The following PLEKHN1 variants were observed in gnomAD, a reference collection of about 807,000 sequenced individuals.
The protein encoded by PLEKHN1 is pleckstrin homology domain-containing family N member 1.
Under a neutral mutation model 72.8 loss-of-function variants are expected in PLEKHN1, and 68 were observed. The ratio of observed to expected loss-of-function variants is 0.93; its 90% CI spans 0.77 to 1.14. The LOEUF is 1.14. Among genes scored for constraint, PLEKHN1 ranks in the 50% most tolerant of loss-of-function variants. The pLI, the probability that PLEKHN1 is intolerant of heterozygous loss-of-function variation, is 0.00. For missense variants in PLEKHN1, 1,015 were observed against 840.5 expected, an observed-to-expected ratio of 1.21 and a Z score of -2.57; for synonymous variants, 454 against 371.6, an observed-to-expected ratio of 1.22 and a Z score of -2.55.
chr1:969,766 T>C (rs1242464527), intron 2 of PLEKHN1, among the ~76,000 whole-genome samples: 1 of 151,510 alleles, frequency 6.6e-6, no homozygotes, highest in East Asian at 1.9e-4. Flanking sequence ...CTATTGTGTG[T>C]GTATGCATGT....
Position 973,961 on chromosome 1 carries a change from C to T in PLEKHN1, c.1563C>T (p.Ser521=), listed in dbSNP as rs773855563. 8.1e-6 allele frequency: 13 copies of T among 1,610,310 alleles called. No homozygotes were observed. In the Admixed American group the frequency reaches 8.3e-5, roughly 10 times the overall value. The change falls in exon 14 of 16, where the codon TCC becomes TCT. Residue 521 remains serine (S), a synonymous_variant. Coordinates refer to ENST00000379410, the MANE Select transcript of PLEKHN1 (RefSeq NM_032129.3). ...GCCCCGCTGGCCCCTACTTGCTCTC[C>T]AAGAAGGGAGCCCTGCAGTCCAGAG... ...SSGPAGPYLL[S]KKGALQSRAA... is the part of the protein sequence containing the mutation.
rs777113439 is a variant in PLEKHN1 at position 971,126 on chromosome 1, G to C, written c.626G>C (p.Arg209Pro). 1 of 1,599,532 alleles carries C rather than the reference G, an allele frequency of 6.3e-7. No homozygotes were observed. Among genetic ancestry groups the C allele is most frequent in the Non-Finnish European group, 8.5e-7 (1 of 1,173,986 alleles). ...TGGACTTTGCAGCGCCGTCTAACCCGGCTGCGGACGGCGTCAGGGCACGAA... is the reference window on the plus strand; with the variant it reads ...TGGACTTTGCAGCGCCGTCTAACCCCGCTGCGGACGGCGTCAGGGCACGAA... Reference protein sequence around the residue: ...HSAPPQRRLTRLRTASGHEPG... With the variant: ...HSAPPQRRLTPLRTASGHEPG... Residue 209 changes from arginine (R) to proline (P), a missense_variant, in exon 7 of 16, where the codon CGG becomes CCG. Arg to Pro is a moderately radical substitution (Grantham distance 103). Transcript: ENST00000379410.
In PLEKHN1 at chr1:971,016, G is replaced by A. The variant is rs760005499; in HGVS notation, c.612+10G>A. ...CTCGGCACCCCCACAGGTCAGTGCC[G>A]GGGACCCCACCCCCCTCCCCACCCT... On this transcript the variant is annotated intron_variant, in intron 6 of 15. Transcript: ENST00000379410. The A allele has an allele frequency of 2.3e-5, 37 of 1,595,438 alleles. No individual in the cohort carries two copies. The East Asian group carries it at 2.5e-4, about 11-fold the overall frequency.
At position 966,645 on chromosome 1, in the gene PLEKHN1, C is replaced by A. The variant is rs186208904; in HGVS notation, c.83+31C>A. 2.9e-4 allele frequency: 459 copies of A among 1,595,656 alleles called. 1 individual carries two copies. In the African/African-American group the frequency reaches 5.4e-3, roughly 19 times the overall value. On this transcript the variant is annotated intron_variant, in intron 1 of 15. Transcript: ENST00000379410. ...CGGGGCGTGGGTGCGGCCACCTGGG[C>A]GCAGGGCTCCCCCACCCGCTCCGGG...
At chr1:968,541 G>A (rs966369012) in intron 2 of PLEKHN1, among the ~76,000 whole-genome samples, 1 of 152,206 alleles carries the variant, frequency 6.6e-6, no homozygotes, top group Non-Finnish European at 1.5e-5. Flanking sequence ...CTTAGGCTCT[G>A]GGGACACAGC....
rs1643247730 is a variant in PLEKHN1, at chr1:970,425, T to TG, written c.330+7dup. On this transcript the variant is annotated splice_region_variant and intron_variant, in intron 3 of 15. Coordinates refer to ENST00000379410, the MANE Select transcript of PLEKHN1 (RefSeq NM_032129.3). This position sits in a 1 kb window ranked among gnomAD's most constrained non-coding sequence, Gnocchi z 4.2. ...CAGCTGCGGTTCCAGCACAGCCAGG[T>TG]GGGGGCCGGGCTGGGTGGAGCACGC... The TG allele has an allele frequency of 1.9e-6, 3 of 1,613,230 alleles. No individual in the cohort carries two copies. The highest frequency in any genetic ancestry group is 2.5e-6 in the Non-Finnish European group (3 of 1,179,922).
rs1362921164 is a variant in PLEKHN1 at position 974,296 on chromosome 1, CT to C, written c.1654-18del. On this transcript the variant is annotated intron_variant, in intron 14 of 15. Transcript: ENST00000379410. ...CCTGGGGCTGTGCCCGGCTCTCAGA[CT>C]TGCGGTTTGGGGTTCCAGGTCTCCT... The C allele has an allele frequency of 1.2e-6, 2 of 1,612,942 alleles. No homozygotes were observed. Among genetic ancestry groups the C allele is most frequent in the East Asian group, 4.5e-5 (2 of 44,866 alleles).
intron 7 of PLEKHN1, 42 bp downstream of exon 7, chr1:971,250 T>G: frequency 6.4e-7 from 1 of 1,555,684 alleles, no homozygotes; most frequent in South Asian, 1.2e-5. Flanking sequence ...ATGGGAGGGG[T>G]GCATGGTGGT....
In PLEKHN1 at chr1:970,487, A is replaced by AAG; in HGVS notation, c.331-34_331-33insAG. 6.2e-7 allele frequency: 1 copy of AAG among 1,613,080 alleles called. No individual in the cohort carries two copies. Among genetic ancestry groups the AAG allele is most frequent in the Non-Finnish European group, 8.5e-7 (1 of 1,179,922 alleles). On this transcript the variant is annotated intron_variant, in intron 3 of 15. Transcript: ENST00000379410. The surrounding 1 kb of genome is among the most constrained non-coding windows in gnomAD (Gnocchi z 4.2). ...CATCCCCATCAGCCTGGGGCTCCCCAGACTCCGCACTGACGACCCTGCTCC... is the reference window on the plus strand; with the variant it reads ...CATCCCCATCAGCCTGGGGCTCCCCAAGGACTCCGCACTGACGACCCTGCTCC...
chr1:967,756 G>A (rs1372317427), intron 2 of PLEKHN1, among the ~76,000 whole-genome samples: 1 of 152,220 alleles, frequency 6.6e-6, no homozygotes, highest in African/African-American at 2.4e-5. Flanking sequence ...GAGTGGGCAG[G>A]GAGAGGGAGC....
intron 2 of PLEKHN1, among the ~76,000 whole-genome samples, chr1:969,389 A>G (rs1435760180): frequency 6.6e-6 from 1 of 151,938 alleles, no homozygotes; most frequent in African/African-American, 2.4e-5. Context: ...GTGTGCACAC[A>G]TCTGTGTGTA....
chr1:971,537 C>A (rs1201966475), intron 8 of PLEKHN1, 133 bp downstream of exon 8: 5 of 842,620 alleles, frequency 5.9e-6, no homozygotes, highest in East Asian at 2.7e-5. Context: ...ACCCAGCCCG[C>A]GGTCCTGGTC....
At chr1:973,075 G>A in intron 11 of PLEKHN1, 65 bp downstream of exon 11, 21 of 1,538,782 alleles carry the variant, frequency 1.4e-5, no homozygotes, top group Non-Finnish European at 1.8e-5. Flanking sequence ...GTGTGTTGGG[G>A]ACCCTGGTTC....
intron 2 of PLEKHN1, among the ~76,000 whole-genome samples, chr1:967,275 G>C (rs902495287): frequency 6.6e-6 from 1 of 152,176 alleles, no homozygotes; most frequent in African/African-American, 2.4e-5. Flanking sequence ...GCACGCGCCG[G>C]CCTCCTCCCA....
rs778058744 is a variant in PLEKHN1 at position 971,023 on chromosome 1, C to T, written c.612+17C>T. The T allele has an allele frequency of 1.2e-5, 11 of 880,504 alleles. No homozygotes were observed. Among genetic ancestry groups the T allele is most frequent in the South Asian group, 2.7e-5 (2 of 73,852 alleles). The allele number at this position is 880,504 out of a possible 1,614,324, so 54.5% of individuals were successfully genotyped here. Reference sequence around the variant, plus strand: ...CCCCCACAGGTCAGTGCCGGGGACCCCACCCCCCTCCCCACCCTGATCCTC... The same window carrying T: ...CCCCCACAGGTCAGTGCCGGGGACCTCACCCCCCTCCCCACCCTGATCCTC... On this transcript the variant is annotated intron_variant, in intron 6 of 15. Coordinates refer to ENST00000379410, the MANE Select transcript of PLEKHN1 (RefSeq NM_032129.3).
Position 974,098 on chromosome 1 carries a change from C to T in PLEKHN1, c.1653+47C>T, listed in dbSNP as rs550982306. ...CGTGTGCCCCGGGCTCCGGGCTGGC[C>T]GGGGGTCTGGTGTGGGGCCTCTTGG... is the stretch of plus-strand genomic sequence containing the variant. On this transcript the variant is annotated intron_variant, in intron 14 of 15. Transcript: ENST00000379410. 3.2e-4 allele frequency: 490 copies of T among 1,533,508 alleles called. 5 individuals are homozygous for T. The South Asian group carries it at 5.0e-3, about 16-fold the overall frequency. The allele number at this position is 1,533,508 out of a possible 1,614,324, so 95.0% of individuals were successfully genotyped here.
chr1:968,082 G>A (rs527954517), intron 2 of PLEKHN1, among the ~76,000 whole-genome samples: 1 of 152,366 alleles, frequency 6.6e-6, no homozygotes, highest in South Asian at 2.1e-4. Context: ...CCGAGGCTGA[G>A]CTGCGCTGCA....
In PLEKHN1 at chr1:970,191, G is replaced by A. The variant is rs1643231101; in HGVS notation, c.184-86G>A. 4 of 1,458,102 alleles carry A rather than the reference G, an allele frequency of 2.7e-6. No individual in the cohort carries two copies. Among genetic ancestry groups the A allele is most frequent in the Non-Finnish European group, 3.7e-6 (4 of 1,068,906 alleles). The allele number at this position is 1,458,102 out of a possible 1,614,324, so 90.3% of individuals were successfully genotyped here. ...GTGTGGCTATGCACAGGCAGACCATGCTATAGTCCTGTAGCTGTGTGGATG... is the reference window on the plus strand; with the variant it reads ...GTGTGGCTATGCACAGGCAGACCATACTATAGTCCTGTAGCTGTGTGGATG... On this transcript the variant is annotated intron_variant, in intron 2 of 15. Transcript: ENST00000379410. This position sits in a 1 kb window ranked among gnomAD's most constrained non-coding sequence, Gnocchi z 4.2.
At position 974,518 on chromosome 1, in the gene PLEKHN1, G is replaced by C. The variant is rs997776427; in HGVS notation, c.1779G>C (p.Gln593His). Residue 593 changes from glutamine to histidine, a missense_variant, in exon 16 of 16, where the codon CAG (glutamine) becomes CAC (histidine). By Grantham distance (24) the Gln-to-His change is conservative. Coordinates refer to ENST00000379410, the MANE Select transcript of PLEKHN1 (RefSeq NM_032129.3). Reference protein sequence around the residue: ...LWDETLSSSHQKCPQLGGPEA... With the variant: ...LWDETLSSSHHKCPQLGGPEA... Reference sequence around the variant, plus strand: ...ACGAGACTTTGTCTTCCTCCCACCAGAAGTGCCCCCAGCTTGGAGGGCCTG... The same window carrying C: ...ACGAGACTTTGTCTTCCTCCCACCACAAGTGCCCCCAGCTTGGAGGGCCTG... 1.2e-6 allele frequency: 2 copies of C among 1,612,664 alleles called. No homozygotes were observed. The highest frequency in any genetic ancestry group is 3.3e-5 in the Admixed American group (2 of 60,006).
Sources: gnomAD v4.1 joint callset for allele counts (sites outside exome capture counted in the v4.1 genomes callset) on GRCh38, gnomAD v4.1.1 for gene constraint, Gnocchi (gnomAD v3.1) non-coding constraint, MANE v1.5 for transcripts, NCBI Gene and HGNC (gene_info 2026-07-23, HGNC 2026-07-21) for gene names.